The following ZNF541 variants were observed in gnomAD, a reference collection of about 807,000 sequenced individuals.
ZNF541 encodes zinc finger protein 541.
A neutral mutation model predicts 123.5 loss-of-function variants in ZNF541; 23 were observed. The ratio of observed to expected loss-of-function variants is 0.19; its 90% CI spans 0.13 to 0.26. The LOEUF is 0.26. ZNF541 is among the 10% of genes least tolerant of loss of function. ZNF541 has a pLI of 1.00. For missense variants in ZNF541, 1,612 were observed against 1,789.9 expected, an observed-to-expected ratio of 0.90 and a Z score of 1.79; for synonymous variants, 751 against 754.5, an observed-to-expected ratio of 1.00 and a Z score of 0.08.
rs1969589993 is a variant in ZNF541, at chr19:47,531,892, C to T, written c.3302-147G>A. ...GGAGGGACAAGGAGGAAGAGCAGAA[C>T]CCTGTCCCCAGCACCCACTCCTGAT... is the stretch of plus-strand genomic sequence containing the variant. On this transcript the variant is annotated intron_variant, in intron 11 of 16. Coordinates refer to ENST00000391901, the MANE Select transcript of ZNF541 (RefSeq NM_001277075.3). 5.5e-6 allele frequency: 5 copies of T among 909,424 alleles called. No homozygotes were observed. The East Asian group carries it at 1.3e-4, about 24-fold the overall frequency. 56.3% of individuals were successfully genotyped at this position (909,424 alleles called of 1,614,324 possible).
intron 11 of ZNF541, 145 bp downstream of exon 11, chr19:47,531,983 G>A (rs73940882): frequency 1.5e-5 from 17 of 1,164,018 alleles, no homozygotes; most frequent in African/African-American, 7.7e-5. Context: ...AAGAAGCAAC[G>A]CTGGCCAAGA....
At chr19:47,523,542 G>T (rs1346906861) in intron 14 of ZNF541, among the ~76,000 whole-genome samples, 1 of 152,014 alleles carries the variant, frequency 6.6e-6, no homozygotes, top group Non-Finnish European at 1.5e-5. Context: ...AAAAAAGTTG[G>T]ACTTCTGCTT....
intron 12 of ZNF541, 30 bp from the exon 13 acceptor site, chr19:47,529,682 G>A: frequency 6.5e-7 from 1 of 1,547,228 alleles, no homozygotes; most frequent in Non-Finnish European, 8.7e-7. Context: ...AGGCTGCCCA[G>A]GACCAGGTGG....
intron 14 of ZNF541, 76 bp from the exon 15 acceptor site, chr19:47,522,070 G>A (rs923485669): frequency 7.1e-5 from 108 of 1,524,296 alleles, no homozygotes; most frequent in Non-Finnish European, 4.6e-5. Context: ...TGGGCCGGCC[G>A]CCTCCTTTGG....
rs1278623486 is a variant in ZNF541, at chr19:47,545,440, G to T, written c.1089C>A (p.Pro363=). Residue 363 remains proline, a synonymous_variant, in exon 5 of 17, where the codon CCC becomes CCA. Transcript: ENST00000391901. The surrounding 1 kb of genome is among the most constrained non-coding windows in gnomAD (Gnocchi z 7.5). ...TATCTGGCTCCGGCTCTGGCGGGTC[G>T]GGGGCGCCGTTCTCGGCGGCCCTGG... is the stretch of plus-strand genomic sequence containing the variant. ...PNSRAAENGA[P]DPPEPEPDTA... 1.4e-6 allele frequency: 2 copies of T among 1,476,368 alleles called. No individual in the cohort carries two copies. Among genetic ancestry groups the T allele is most frequent in the Non-Finnish European group, 1.8e-6 (2 of 1,111,142 alleles). The allele number at this position is 1,476,368 out of a possible 1,614,324, so 91.5% of individuals were successfully genotyped here.
intron 2 of ZNF541, among the ~76,000 whole-genome samples, chr19:47,566,703 G>A (rs777691831): frequency 5.9e-5 from 9 of 151,652 alleles, no homozygotes; most frequent in African/African-American, 9.7e-5. Flanking sequence ...CCAAGATCAT[G>A]CCACTGCACT....
chr19:47,571,554 G>A (rs1971477843), intron 2 of ZNF541, among the ~76,000 whole-genome samples: 1 of 152,176 alleles, frequency 6.6e-6, no homozygotes, highest in Admixed American at 6.5e-5. Context: ...GCATCACTTA[G>A]ATGGGACATA....
intron 3 of ZNF541, among the ~76,000 whole-genome samples, chr19:47,550,637 T>C (rs554204854): frequency 1.3e-5 from 2 of 152,320 alleles, no homozygotes; most frequent in South Asian, 4.1e-4. Context: ...GTCAGACGTC[T>C]TCAAATATCT....
At chr19:47,522,133 A>G in intron 14 of ZNF541, 139 bp from the exon 15 acceptor site, 5 of 1,142,894 alleles carry the variant, frequency 4.4e-6, no homozygotes, top group Non-Finnish European at 4.9e-6. Context: ...ACTCACCACA[A>G]AGGCACAGGA....
intron 12 of ZNF541, among the ~76,000 whole-genome samples, 172 bp downstream of exon 12, chr19:47,531,470 C>T (rs545954443): frequency 2.0e-5 from 3 of 151,990 alleles, no homozygotes; most frequent in Admixed American, 2.0e-4. Flanking sequence ...TCTTAGCATT[C>T]CCCTACAGTC....
At chr19:47,552,472 A>G (rs1433429318) in intron 3 of ZNF541, among the ~76,000 whole-genome samples, 1 of 151,196 alleles carries the variant, frequency 6.6e-6, no homozygotes, top group Non-Finnish European at 1.5e-5. Context: ...TTCAACAAGG[A>G]AAAACCGGGC....
At chr19:47,524,711 A>G (rs1482816259) in intron 14 of ZNF541, among the ~76,000 whole-genome samples, 1 of 151,438 alleles carries the variant, frequency 6.6e-6, no homozygotes, top group Non-Finnish European at 1.5e-5. Context: ...CTGTCTAAAA[A>G]AAAAAAAAAA....
chr19:47,546,128 CA>C, intron 4 of ZNF541, 148 bp from the exon 5 acceptor site: 1 of 604,496 alleles, frequency 1.7e-6, no homozygotes, highest in Non-Finnish European at 2.5e-6. Flanking sequence ...GACCACCCAG[CA>C]AACCCTGCTT....
At chr19:47,539,903 C>T (rs1970005139) in intron 7 of ZNF541, 25 bp from the exon 8 acceptor site, 1 of 1,518,212 alleles carries the variant, frequency 6.6e-7, no homozygotes, top group South Asian at 1.3e-5. Context: ...GAAGAGATGG[C>T]TCTTTAAGAG....
intron 2 of ZNF541, among the ~76,000 whole-genome samples, chr19:47,562,566 CAAAACAAAAAAA>C (rs1314601603): frequency 6.6e-6 from 1 of 151,744 alleles, no homozygotes; most frequent in Non-Finnish European, 1.5e-5. Context: ...AAACAAAAAA[CAAAACAAAAAAA>C]ACCAAACAGA....
intron 2 of ZNF541, among the ~76,000 whole-genome samples, chr19:47,561,082 G>C (rs1033163385): frequency 6.6e-6 from 1 of 152,196 alleles, no homozygotes. Context: ...CAGTTGTGTG[G>C]TTTGTGGGGT....
chr19:47,555,430 C>CCTAAGT (rs1197921842), intron 3 of ZNF541, 120 bp downstream of exon 3: 4 of 913,090 alleles, frequency 4.4e-6, no homozygotes, highest in Non-Finnish European at 6.3e-6. Context: ...GTGACTGTTC[C>CCTAAGT]CTAAGTCACC....
rs1229294575 is a variant in ZNF541 at position 47,521,585 on chromosome 19, TC to T, written c.3780del (p.Arg1261GlyfsTer48). 1 of 1,551,552 alleles carries T rather than the reference TC, an allele frequency of 6.4e-7. No homozygotes were observed. The highest frequency in any genetic ancestry group is 8.7e-7 in the Non-Finnish European group (1 of 1,146,978). On this transcript the variant is annotated frameshift_variant, in exon 16 of 17. Transcript: ENST00000391901. LOFTEE classifies it high-confidence loss of function. This position sits in a 1 kb window ranked among gnomAD's most constrained non-coding sequence, Gnocchi z 4.2. Reference sequence around the variant, plus strand: ...GGGCTGGAGCTGAGGATGGACTCCCTCCTATAACTCTTGGTCTTTAACTTGG... The same window carrying T: ...GGGCTGGAGCTGAGGATGGACTCCCTCTATAACTCTTGGTCTTTAACTTGG... ...PTPKLKTKSY[R>X]RESILSSSPN... is the part of the protein sequence containing the mutation.
Position 47,539,963 on chromosome 19 carries a change from T to G in ZNF541, c.2623-85A>C, listed in dbSNP as rs903683184. Reference sequence around the variant, plus strand: ...GCTGCTTCAGCAAAAAAAGCTGTCATAGAAAACAGCAGTGAGTCTGTGGCA... The same window carrying G: ...GCTGCTTCAGCAAAAAAAGCTGTCAGAGAAAACAGCAGTGAGTCTGTGGCA... On this transcript the variant is annotated intron_variant, in intron 7 of 16. Coordinates refer to ENST00000391901, the MANE Select transcript of ZNF541 (RefSeq NM_001277075.3). The G allele has an allele frequency of 7.4e-6, 11 of 1,494,544 alleles. No individual in the cohort carries two copies. The South Asian group carries it at 7.8e-5, about 11-fold the overall frequency. The allele number at this position is 1,494,544 out of a possible 1,614,324, so 92.6% of individuals were successfully genotyped here. A position where few individuals can be genotyped will look rare whatever the true frequency, so the allele number is the denominator to read the frequency against.
Sources: gnomAD v4.1 joint callset for allele counts (sites outside exome capture counted in the v4.1 genomes callset) on GRCh38, gnomAD v4.1.1 for gene constraint, Gnocchi (gnomAD v3.1) non-coding constraint, MANE v1.5 for transcripts, NCBI Gene and HGNC (gene_info 2026-07-23, HGNC 2026-07-21) for gene names.